The following STX17 variants were observed in gnomAD, a reference collection of about 807,000 sequenced individuals.
STX17 encodes syntaxin-17.
In STX17, 29 loss-of-function variants were observed where a neutral mutation model predicts 35.9. That is an observed-to-expected ratio of 0.81 (90% CI 0.60 to 1.10). The LOEUF is 1.10. STX17 is among the 50% of genes least tolerant of loss of function. The pLI is 0.00. For synonymous variants in STX17, 92 were observed against 118.3 expected, an observed-to-expected ratio of 0.78 and a Z score of 1.44; for missense variants, 312 against 352.3, an observed-to-expected ratio of 0.89 and a Z score of 0.92.
chr9:99,937,135 T>C (rs1322343287), intron 3 of STX17, among the ~76,000 whole-genome samples: 2 of 152,226 alleles, frequency 1.3e-5, no homozygotes, highest in Admixed American at 1.3e-4. Flanking sequence ...ATTCTTATCA[T>C]TGTTCCTTTG....
rs1830037912 is a variant in STX17, at chr9:99,972,602, CCCTT to C, written c.*3930_*3933del. Among the ~76,000 whole-genome samples, 1 of 152,134 alleles carries C rather than the reference CCCTT, an allele frequency of 6.6e-6. No individual in the cohort carries two copies. The highest frequency in any genetic ancestry group is 6.5e-5 in the Admixed American group (1 of 15,278). ...TGTGGGCTGCCTGCCTTCCTGCCCTCCCTTAAGTGCTCTAAGATTTTTGTACAGG... is the reference window on the plus strand; with the variant it reads ...TGTGGGCTGCCTGCCTTCCTGCCCTCAAGTGCTCTAAGATTTTTGTACAGG... On this transcript the variant is annotated 3_prime_UTR_variant, in exon 8 of 8. Transcript: ENST00000259400.
At chr9:99,946,665 A>G (rs538244658) in intron 3 of STX17, among the ~76,000 whole-genome samples, 10 of 152,226 alleles carry the variant, frequency 6.6e-5, no homozygotes, top group African/African-American at 2.4e-4. Context: ...ACTGTGTGTT[A>G]TTGACTGAAG....
chr9:99,930,441 G>T (rs1829097243), intron 3 of STX17, among the ~76,000 whole-genome samples: 1 of 151,684 alleles, frequency 6.6e-6, no homozygotes, highest in African/African-American at 2.4e-5. Flanking sequence ...CTAATTTTTT[G>T]TATTTTTAGT....
At chr9:99,933,962 A>G (rs993448676) in intron 3 of STX17, among the ~76,000 whole-genome samples, 1 of 152,206 alleles carries the variant, frequency 6.6e-6, no homozygotes, top group Admixed American at 6.5e-5. Context: ...ACCTTGAAGG[A>G]ACTTACATAG....
chr9:99,929,338 A>G (rs1829060907), intron 3 of STX17, among the ~76,000 whole-genome samples: 1 of 151,820 alleles, frequency 6.6e-6, no homozygotes, highest in Non-Finnish European at 1.5e-5. Flanking sequence ...TTCTGTCTAC[A>G]ATTAGTATTG....
At chr9:99,911,543 A>G (rs1828664987) in intron 1 of STX17, among the ~76,000 whole-genome samples, 1 of 151,982 alleles carries the variant, frequency 6.6e-6, no homozygotes, top group African/African-American at 2.4e-5. Flanking sequence ...GCTGGATCAT[A>G]TGGTAGTTTT....
intron 3 of STX17, chr9:99,929,242 G>C (rs889810549): frequency 7.6e-6 from 1 of 131,952 alleles, no homozygotes; most frequent in Non-Finnish European, 1.6e-5. Context: ...TTTTTTTTTT[G>C]TTAATTGCCT....
intron 1 of STX17, among the ~76,000 whole-genome samples, chr9:99,910,982 G>A (rs111871256): frequency 1.3e-5 from 2 of 152,066 alleles, no homozygotes; most frequent in African/African-American, 4.8e-5. Flanking sequence ...GAGTAGCTGG[G>A]AGTACAGGCT....
At chr9:99,964,315 C>G (rs992965778) in intron 6 of STX17, among the ~76,000 whole-genome samples, 1 of 151,976 alleles carries the variant, frequency 6.6e-6, no homozygotes, top group East Asian at 1.9e-4. Context: ...TATAGCTGTT[C>G]GTCAAGATTT....
At chr9:99,913,558 G>C (rs1828700000) in intron 1 of STX17, among the ~76,000 whole-genome samples, 1 of 151,984 alleles carries the variant, frequency 6.6e-6, no homozygotes. Context: ...TTTTGGAATA[G>C]AATGTTTTTG....
In STX17 at chr9:99,973,863, A is replaced by C. The variant is rs1441965926; in HGVS notation, c.*5190A>C. Among the ~76,000 whole-genome samples, 2 of 152,172 alleles carry C rather than the reference A, an allele frequency of 1.3e-5. No homozygotes were observed. The highest frequency in any genetic ancestry group is 2.9e-5 in the Non-Finnish European group (2 of 68,030). ...CCTTCTACGTTCTGGCCCCAGCTTT[A>C]TCTCTTGAAACTCACTACTCACCAT... On this transcript the variant is annotated 3_prime_UTR_variant, in exon 8 of 8. Transcript: ENST00000259400.
chr9:99,937,066 A>G (rs1829251640), intron 3 of STX17, among the ~76,000 whole-genome samples: 1 of 152,146 alleles, frequency 6.6e-6, no homozygotes, highest in African/African-American at 2.4e-5. Flanking sequence ...TTCTTTCAGT[A>G]CTTTAAAGAT....
Position 99,972,416 on chromosome 9 carries a change from T to A in STX17, c.*3743T>A, listed in dbSNP as rs1443859107. Among the ~76,000 whole-genome samples the A allele has an allele frequency of 6.6e-6, 1 of 152,242 alleles. No individual in the cohort carries two copies. The highest frequency in any genetic ancestry group is 1.5e-5 in the Non-Finnish European group (1 of 68,044). On this transcript the variant is annotated 3_prime_UTR_variant, in exon 8 of 8. Transcript: ENST00000259400. Reference sequence around the variant, plus strand: ...ATATTACTTAGACCAATTTTGAAACTGTTCTTTCAGAATTGCCTCCAAAGA... The same window carrying A: ...ATATTACTTAGACCAATTTTGAAACAGTTCTTTCAGAATTGCCTCCAAAGA...
chr9:99,919,585 G>A (rs981815769), intron 2 of STX17, among the ~76,000 whole-genome samples: 9 of 152,086 alleles, frequency 5.9e-5, no homozygotes, highest in Non-Finnish European at 1.0e-4. Context: ...TCATTCTTGT[G>A]AATTTATACT....
rs146484577 is a variant in STX17, at chr9:99,916,390, CATTTATTTATTT to C, written c.123+1060_123+1071del. 4.1e-3 allele frequency among the ~76,000 whole-genome samples: 586 copies of C among 141,906 alleles called. 5 individuals are homozygous for C. Among genetic ancestry groups the C allele is most frequent in the African/African-American group, 0.014 (530 of 38,628 alleles). 93.1% of individuals were successfully genotyped at this position (141,906 alleles called of 152,430 possible). A position where few individuals can be genotyped will look rare whatever the true frequency, so the allele number is the denominator to read the frequency against. On this transcript the variant is annotated intron_variant, in intron 2 of 7. Coordinates refer to ENST00000259400, the MANE Select transcript of STX17 (RefSeq NM_017919.3). ...CATAAGTCTTAAGCTGCAGAACCTC[CATTTATTTATTT>C]ATTTATTTATTTATTTATTTATTTA...
chr9:99,955,567 G>A (rs755043369), intron 4 of STX17, among the ~76,000 whole-genome samples: 1 of 152,030 alleles, frequency 6.6e-6, no homozygotes, highest in East Asian at 1.9e-4. Flanking sequence ...ATGTGGTAAA[G>A]GTTAGTGGAA....
intron 2 of STX17, among the ~76,000 whole-genome samples, chr9:99,922,761 G>C (rs10121880): frequency 6.6e-6 from 1 of 152,004 alleles, no homozygotes; most frequent in East Asian, 1.9e-4. Context: ...TTGAAGAAGG[G>C]AGAAGTGGGA....
chr9:99,953,120 A>G (rs1046506447), intron 4 of STX17, among the ~76,000 whole-genome samples: 6 of 152,038 alleles, frequency 3.9e-5, no homozygotes, highest in Non-Finnish European at 8.8e-5. Flanking sequence ...GCACTCCTGC[A>G]TCACTATCTC....
intron 3 of STX17, among the ~76,000 whole-genome samples, chr9:99,944,083 TC>T (rs1213785204): frequency 3.3e-5 from 5 of 152,054 alleles, no homozygotes; most frequent in Non-Finnish European, 4.4e-5. Flanking sequence ...ATCTAAGTTT[TC>T]TAATTTATTG....
Sources: gnomAD v4.1 joint callset for allele counts (sites outside exome capture counted in the v4.1 genomes callset) on GRCh38, gnomAD v4.1.1 for gene constraint, MANE v1.5 for transcripts, NCBI Gene and HGNC (gene_info 2026-07-23, HGNC 2026-07-21) for gene names.